COL19A1: variants seen among roughly 807,000 people sequenced by gnomAD.
The protein encoded by COL19A1 is collagen alpha-1(XIX) chain.
COL19A1 carries 159 observed loss-of-function variants against 190.2 expected under a neutral mutation model. That is an observed-to-expected ratio of 0.84 (90% confidence interval 0.73 to 0.95). The LOEUF (loss-of-function observed/expected upper bound fraction) is 0.95. Among genes scored for constraint, COL19A1 ranks in the 40% least tolerant of loss-of-function variants. COL19A1 has a pLI of 0.00. For synonymous variants in COL19A1, 509 were observed against 458.9 expected (o/e 1.11, Z -1.39); for missense variants, 1,418 against 1,431.9 (o/e 0.99, Z 0.16).
intron 11 of COL19A1, among the ~76,000 whole-genome samples, chr6:69,995,547 A>G (rs1776857301): frequency 6.6e-6 from 1 of 151,424 alleles, no homozygotes; most frequent in African/African-American, 2.4e-5. Flanking sequence ...TACCAAAAGC[A>G]TGCTCTGGGT....
At chr6:70,037,343 A>G (rs1779406820) in intron 14 of COL19A1, among the ~76,000 whole-genome samples, 1 of 152,028 alleles carries the variant, frequency 6.6e-6, no homozygotes, top group Non-Finnish European at 1.5e-5. Context: ...TTTAGTAGAG[A>G]CAGGTTTTCA....
At chr6:69,987,083 T>C (rs1373414673) in intron 11 of COL19A1, among the ~76,000 whole-genome samples, 1 of 152,034 alleles carries the variant, frequency 6.6e-6, no homozygotes, top group African/African-American at 2.4e-5. Context: ...TTGATATTCC[T>C]TAAAAATCTT....
rs1786522291 is a variant in COL19A1 at position 70,144,976 on chromosome 6, G to C, written c.1739G>C (p.Gly580Ala). ...PGLPGPKGEA[G>A]PPGKSLPGEP... ...CTTCCAGGTCCAAAAGGTGAGGCTG[G>C]TCCTCCAGGGAAAAGCCTGCCAGGG... The change falls in exon 25 of 51, where the codon GGT (glycine) becomes GCT (alanine). Residue 580 changes from glycine (G) to alanine (A), a missense_variant. By Grantham distance (60) the Gly-to-Ala change is moderately conservative. Transcript: ENST00000620364. 1 of 1,594,122 alleles carries C rather than the reference G, an allele frequency of 6.3e-7. No individual in the cohort carries two copies. Among genetic ancestry groups the C allele is most frequent in the East Asian group, 2.3e-5 (1 of 44,150 alleles).
intron 4 of COL19A1, among the ~76,000 whole-genome samples, chr6:69,918,268 G>T (rs951984712): frequency 1.3e-5 from 2 of 152,212 alleles, no homozygotes; most frequent in African/African-American, 4.8e-5. Flanking sequence ...AGGCCAGACT[G>T]TAAGGAAAGG....
At chr6:69,921,374 TATC>T (rs1200011502) in intron 4 of COL19A1, among the ~76,000 whole-genome samples, 2 of 111,228 alleles carry the variant, frequency 1.8e-5, no homozygotes, top group Non-Finnish European at 3.3e-5. Context: ...ATATCATATA[TATC>T]ATATATATCA....
chr6:70,173,455 T>C (rs1029809587), intron 41 of COL19A1, among the ~76,000 whole-genome samples: 2 of 151,852 alleles, frequency 1.3e-5, no homozygotes, highest in Non-Finnish European at 2.9e-5. Context: ...ACCAGCGAGG[T>C]AGGAGGAAAA....
At chr6:70,033,687 A>G (rs1361452763) in intron 12 of COL19A1, among the ~76,000 whole-genome samples, 5 of 152,184 alleles carry the variant, frequency 3.3e-5, no homozygotes, top group African/African-American at 7.2e-5. Flanking sequence ...TGACATCTTT[A>G]TAAATCCAAG....
chr6:70,018,069 T>C (rs1778216938), intron 11 of COL19A1, among the ~76,000 whole-genome samples: 1 of 151,898 alleles, frequency 6.6e-6, no homozygotes, highest in Non-Finnish European at 1.5e-5. Flanking sequence ...CATGTTTCAG[T>C]GTGGTTAGAA....
chr6:70,199,908 G>C, intron 49 of COL19A1, 172 bp downstream of exon 49: 1 of 625,806 alleles, frequency 1.6e-6, no homozygotes, highest in Non-Finnish European at 2.7e-6. Context: ...TATAATATTT[G>C]ACATTCTAGA....
intron 1 of COL19A1, among the ~76,000 whole-genome samples, chr6:69,867,799 G>A (rs981702965): frequency 6.6e-6 from 1 of 152,186 alleles, no homozygotes. Flanking sequence ...CAGCCTCAGG[G>A]GACAGTGGGC....
At chr6:69,889,745 C>CACCAATCAGCACTCTGTAAAATGG (rs1185767377) in intron 2 of COL19A1, among the ~76,000 whole-genome samples, 1 of 152,212 alleles carries the variant, frequency 6.6e-6, no homozygotes, top group Non-Finnish European at 1.5e-5. Flanking sequence ...ATTGTAAACA[C>CACCAATCAGCACTCTGTAAAATGG]ACCAATCAGC....
At position 70,150,033 on chromosome 6, in the gene COL19A1, C is replaced by T. The variant is rs763922758; in HGVS notation, c.2025C>T (p.Pro675=). ...GRDGKPGLPG[P]PGDPIALPLL... is the part of the protein sequence containing the mutation. Reference sequence around the variant, plus strand: ...ATGGAAAGCCAGGCCTGCCAGGCCCCCCAGGTGACCCGGTATGTAGACAAA... The same window carrying T: ...ATGGAAAGCCAGGCCTGCCAGGCCCTCCAGGTGACCCGGTATGTAGACAAA... The change falls in exon 30 of 51, where the codon CCC becomes CCT. Residue 675 remains proline (P), a synonymous_variant. Transcript: ENST00000620364. The T allele has an allele frequency of 9.9e-6, 16 of 1,613,614 alleles. No individual in the cohort carries two copies. Among genetic ancestry groups the T allele is most frequent in the African/African-American group, 1.3e-5 (1 of 74,876 alleles).
rs538400853 is a variant in COL19A1 at position 70,051,057 on chromosome 6, A to C, written c.1170+15118A>C. 2.0e-5 allele frequency among the ~76,000 whole-genome samples: 3 copies of C among 152,198 alleles called. No homozygotes were observed. The South Asian group carries it at 6.2e-4, about 32-fold the overall frequency. ...GGTCAAACAGGATGTTGTTAAGGTC[A>C]TTTTCAACTCTAAAATTCTGTTATT... On this transcript the variant is annotated intron_variant, in intron 14 of 50. Transcript: ENST00000620364.
At chr6:70,020,675 A>AT (rs1778366205) in intron 11 of COL19A1, among the ~76,000 whole-genome samples, 2 of 152,182 alleles carry the variant, frequency 1.3e-5, no homozygotes, top group South Asian at 2.1e-4. Flanking sequence ...GTCTGCAGAC[A>AT]TTTTTTATTT....
intron 9 of COL19A1, among the ~76,000 whole-genome samples, chr6:69,953,736 T>G (rs752889273): frequency 2.6e-4 from 39 of 152,080 alleles, no homozygotes; most frequent in Non-Finnish European, 4.7e-4. Flanking sequence ...CACTTGACTT[T>G]TATTTGCTAA....
chr6:70,175,278 G>A (rs1426496832), intron 41 of COL19A1, among the ~76,000 whole-genome samples: 2 of 151,898 alleles, frequency 1.3e-5, no homozygotes, highest in African/African-American at 4.8e-5. Context: ...TAATCTTATT[G>A]TAAATATAAC....
chr6:69,937,317 G>A (rs563157867), intron 8 of COL19A1, among the ~76,000 whole-genome samples: 1 of 152,246 alleles, frequency 6.6e-6, no homozygotes, highest in Admixed American at 6.5e-5. Context: ...TATAGACTGT[G>A]TTTTTCCAGC....
intron 4 of COL19A1, among the ~76,000 whole-genome samples, chr6:69,913,087 T>C (rs573840071): frequency 6.6e-6 from 1 of 152,142 alleles, no homozygotes; most frequent in Admixed American, 6.5e-5. Context: ...AGACCCTGTC[T>C]CAAAAAATTA....
At chr6:69,908,744 G>A (rs1460927425) in intron 4 of COL19A1, among the ~76,000 whole-genome samples, 2 of 152,034 alleles carry the variant, frequency 1.3e-5, no homozygotes, top group African/African-American at 4.8e-5. Context: ...TGCTCTTTCA[G>A]ATTTCATATA....
Sources: gnomAD v4.1 joint callset for allele counts (sites outside exome capture counted in the v4.1 genomes callset) on GRCh38, gnomAD v4.1.1 for gene constraint, MANE v1.5 for transcripts, NCBI Gene and HGNC (gene_info 2026-07-23, HGNC 2026-07-21) for gene names.